The following CDKAL1 variants were observed in gnomAD, a reference collection of about 807,000 sequenced individuals.
CDKAL1 encodes CDKAL1 threonylcarbamoyladenosine tRNA methylthiotransferase, also known as threonylcarbamoyladenosine tRNA methylthiotransferase.
A neutral mutation model predicts 68.2 loss-of-function variants in CDKAL1; 32 were observed. That is an observed-to-expected ratio of 0.47 (90% CI 0.35 to 0.63). The LOEUF (loss-of-function observed/expected upper bound fraction) is 0.63. Among genes scored for constraint, CDKAL1 ranks in the 30% least tolerant of loss-of-function variants. The pLI, the probability that CDKAL1 is intolerant of heterozygous loss-of-function variation, is 0.00. For synonymous variants in CDKAL1, 234 were observed against 244.3 expected (o/e 0.96, Z 0.39); for missense variants, 606 against 696.7 (o/e 0.87, Z 1.47).
At chr6:21,212,425 A>T (rs140429493) in intron 15 of CDKAL1, among the ~76,000 whole-genome samples, 1 of 152,314 alleles carries the variant, frequency 6.6e-6, no homozygotes, top group East Asian at 1.9e-4. Flanking sequence ...TTTTAAACTG[A>T]TAGTAATCTT....
chr6:20,867,690 C>T (rs1274513840), intron 9 of CDKAL1, among the ~76,000 whole-genome samples: 1 of 152,204 alleles, frequency 6.6e-6, no homozygotes, highest in African/African-American at 2.4e-5. Context: ...TGAAGGCTGA[C>T]ACAGAATCAT....
At chr6:20,879,097 A>T (rs1478589048) in intron 9 of CDKAL1, among the ~76,000 whole-genome samples, 2 of 152,040 alleles carry the variant, frequency 1.3e-5, no homozygotes, top group Non-Finnish European at 2.9e-5. Context: ...AAAAAGAAAA[A>T]AATAATAAAT....
At chr6:20,679,262 A>G (rs995110392) in intron 5 of CDKAL1, among the ~76,000 whole-genome samples, 3 of 152,216 alleles carry the variant, frequency 2.0e-5, no homozygotes, top group South Asian at 2.1e-4. Context: ...TCAGTGTTCA[A>G]TAGTATCCTT....
At chr6:21,036,026 G>A (rs1195040330) in intron 11 of CDKAL1, among the ~76,000 whole-genome samples, 1 of 152,118 alleles carries the variant, frequency 6.6e-6, no homozygotes, top group Admixed American at 6.5e-5. Context: ...ATCAAGATCT[G>A]AAAAATGCTG....
chr6:20,621,445 C>A lies in CDKAL1; in HGVS notation c.287-27848C>A, dbSNP rs372620664. Reference sequence around the variant, plus strand: ...TCTCCACTGTGAAGTTTACTCTTTTCTTCCCTCCCTTCCATACTGGAAGTC... The same window carrying A: ...TCTCCACTGTGAAGTTTACTCTTTTATTCCCTCCCTTCCATACTGGAAGTC... On this transcript the variant is annotated intron_variant, in intron 4 of 15. Coordinates refer to ENST00000274695, the MANE Select transcript of CDKAL1 (RefSeq NM_017774.3). 3.3e-5 allele frequency among the ~76,000 whole-genome samples: 5 copies of A among 152,262 alleles called. No homozygotes were observed. The East Asian group carries it at 5.8e-4, about 18-fold the overall frequency.
Position 20,534,489 on chromosome 6 carries a change from G to A in CDKAL1, c.-135G>A, listed in dbSNP as rs1763088129. 1 of 152,788 alleles carries A rather than the reference G, an allele frequency of 6.5e-6. No homozygotes were observed. The highest frequency in any genetic ancestry group is 6.5e-5 in the Admixed American group (1 of 15,276). 9.5% of individuals were successfully genotyped at this position (152,788 alleles called of 1,614,324 possible). On this transcript the variant is annotated 5_prime_UTR_variant, in exon 1 of 16. Coordinates refer to ENST00000274695, the MANE Select transcript of CDKAL1 (RefSeq NM_017774.3). ...CGTGGCGGGACGTATGTGTCATGGC[G>A]CTCTCCATCTAAAGTCTGTGCAGCT...
rs1013377119 is a variant in CDKAL1, at chr6:20,735,530, C to T, written c.372-3989C>T. Reference sequence around the variant, plus strand: ...CAGTTACCTCCCACTGGGCTCCTCCCGTGATATGTGAGTATTATGGGAACT... The same window carrying T: ...CAGTTACCTCCCACTGGGCTCCTCCTGTGATATGTGAGTATTATGGGAACT... On this transcript the variant is annotated intron_variant, in intron 5 of 15. Transcript: ENST00000274695. 1.1e-4 allele frequency among the ~76,000 whole-genome samples: 16 copies of T among 152,068 alleles called. 1 individual carries two copies. Among genetic ancestry groups the T allele is most frequent in the East Asian group, 1.9e-4 (1 of 5,176 alleles).
chr6:20,777,014 C>G (rs1463657496), intron 7 of CDKAL1, among the ~76,000 whole-genome samples: 2 of 152,142 alleles, frequency 1.3e-5, no homozygotes, highest in African/African-American at 2.4e-5. Flanking sequence ...CTCTACTGGA[C>G]TGAAGTTACT....
intron 15 of CDKAL1, among the ~76,000 whole-genome samples, chr6:21,213,707 A>T (rs944030346): frequency 6.6e-6 from 1 of 152,080 alleles, no homozygotes; most frequent in African/African-American, 2.4e-5. Flanking sequence ...CGTGTACTAT[A>T]TTATCTGAAA....
At chr6:21,148,877 A>G (rs535148512) in intron 13 of CDKAL1, among the ~76,000 whole-genome samples, 6 of 152,348 alleles carry the variant, frequency 3.9e-5, no homozygotes, top group Admixed American at 3.9e-4. Context: ...ATTACCATTC[A>G]TGACTAAAAA....
intron 4 of CDKAL1, among the ~76,000 whole-genome samples, chr6:20,598,487 C>T (rs1206831122): frequency 2.0e-5 from 3 of 152,050 alleles, no homozygotes; most frequent in African/African-American, 7.2e-5. Flanking sequence ...GTATGGCATA[C>T]GATACATATC....
intron 9 of CDKAL1, among the ~76,000 whole-genome samples, chr6:20,882,675 T>C (rs1341772202): frequency 1.3e-5 from 2 of 152,196 alleles, no homozygotes; most frequent in Non-Finnish European, 2.9e-5. Context: ...ACAGTGTTTT[T>C]AATCTGTTAA....
At chr6:20,568,762 A>C (rs941944376) in intron 4 of CDKAL1, among the ~76,000 whole-genome samples, 1 of 151,646 alleles carries the variant, frequency 6.6e-6, no homozygotes, top group East Asian at 1.9e-4. Flanking sequence ...AAAAAAACAA[A>C]AAAACAAAGA....
In CDKAL1 at chr6:21,104,272, C is replaced by T. The variant is rs1347189200; in HGVS notation, c.1237-4129C>T. 3.3e-5 allele frequency among the ~76,000 whole-genome samples: 5 copies of T among 152,228 alleles called. No homozygotes were observed. In the East Asian group the frequency reaches 7.7e-4, roughly 23 times the overall value. On this transcript the variant is annotated intron_variant, in intron 12 of 15. Coordinates refer to ENST00000274695, the MANE Select transcript of CDKAL1 (RefSeq NM_017774.3). ...CAGCTAATTGTTATTATGCTTGGTACGTTCATCCCAATGTTTCAGTATATA... is the reference window on the plus strand; with the variant it reads ...CAGCTAATTGTTATTATGCTTGGTATGTTCATCCCAATGTTTCAGTATATA...
intron 15 of CDKAL1, among the ~76,000 whole-genome samples, chr6:21,205,179 A>G (rs527851525): frequency 3.9e-5 from 6 of 152,336 alleles, no homozygotes; most frequent in Non-Finnish European, 8.8e-5. Flanking sequence ...TGGATGCCAC[A>G]TTTCATTAAT....
At chr6:21,142,923 ACT>A (rs1775991254) in intron 13 of CDKAL1, among the ~76,000 whole-genome samples, 1 of 152,108 alleles carries the variant, frequency 6.6e-6, no homozygotes, top group Non-Finnish European at 1.5e-5. Flanking sequence ...ATGTGATAAA[ACT>A]CATAAGCTTT....
chr6:20,957,628 C>G (rs537087224), intron 10 of CDKAL1, among the ~76,000 whole-genome samples: 3 of 152,148 alleles, frequency 2.0e-5, no homozygotes, highest in African/African-American at 4.8e-5. Flanking sequence ...GTCTGTGGAT[C>G]TATCCCACCC....
At chr6:21,221,338 C>A (rs1779532124) in intron 15 of CDKAL1, among the ~76,000 whole-genome samples, 1 of 151,952 alleles carries the variant, frequency 6.6e-6, no homozygotes. Context: ...AAGTGATCCT[C>A]CTACCTTAGC....
chr6:20,715,753 G>A (rs1581433699), intron 5 of CDKAL1, among the ~76,000 whole-genome samples: 1 of 152,032 alleles, frequency 6.6e-6, no homozygotes, highest in East Asian at 1.9e-4. Flanking sequence ...AGCTATGTAG[G>A]ATATTCTGAA....
Sources: allele counts gnomAD v4.1 joint callset (sites outside exome capture counted in the v4.1 genomes callset), GRCh38; gene constraint gnomAD v4.1.1; transcripts MANE v1.5; gene names NCBI Gene and HGNC (gene_info 2026-07-23, HGNC 2026-07-21).